The following PTPRT variants were observed in gnomAD, a reference collection of about 807,000 sequenced individuals.
PTPRT encodes the protein receptor-type tyrosine-protein phosphatase T.
A neutral mutation model predicts 176.8 loss-of-function variants in PTPRT; 56 were observed. That is an observed-to-expected ratio of 0.32 (90% CI 0.26 to 0.40). The LOEUF (loss-of-function observed/expected upper bound fraction) is 0.40. Among genes scored for constraint, PTPRT ranks in the 10% least tolerant of loss-of-function variants. The pLI is 1.00. For missense variants in PTPRT, 1,540 were observed against 1,908.2 expected, an observed-to-expected ratio of 0.81 and a Z score of 3.60; for synonymous variants, 783 against 739.0, an observed-to-expected ratio of 1.06 and a Z score of -0.96.
At chr20:42,130,750 G>C (rs1988086845) in intron 18 of PTPRT, among the ~76,000 whole-genome samples, 1 of 152,220 alleles carries the variant, frequency 6.6e-6, no homozygotes, top group Non-Finnish European at 1.5e-5. Context: ...TCAGGGGGAA[G>C]TTTCAGCAGA....
intron 1 of PTPRT, among the ~76,000 whole-genome samples, chr20:43,094,309 A>G (rs183760218): frequency 2.4e-3 from 350 of 146,848 alleles, no homozygotes; most frequent in African/African-American, 8.7e-3. Flanking sequence ...GATGGTCTCC[A>G]TCTCTTGACC....
intron 1 of PTPRT, among the ~76,000 whole-genome samples, chr20:42,952,202 C>T (rs1001413029): frequency 1.2e-4 from 18 of 152,184 alleles, no homozygotes; most frequent in Admixed American, 3.3e-4. Context: ...TGAGTCCACA[C>T]GTCATGCCAC....
At chr20:42,986,121 T>G (rs1428370703) in intron 1 of PTPRT, among the ~76,000 whole-genome samples, 2 of 152,236 alleles carry the variant, frequency 1.3e-5, no homozygotes, top group Admixed American at 1.3e-4. Flanking sequence ...TAATATGATA[T>G]TCAACTAATC....
chr20:42,063,787 G>A, the PTPRT span: 1 of 152,098 alleles, frequency 6.6e-6, no homozygotes, highest in Non-Finnish European at 1.5e-5. Flanking sequence ...TTCTCTTGGG[G>A]AAGTGGCTGG....
rs527451722 is a variant in PTPRT, at chr20:42,108,043, G to C, written c.3255-1122C>G. On this transcript the variant is annotated intron_variant, in intron 23 of 30. Transcript: ENST00000373187. ...CCTCTGTGTCTGGGAGGGAGTATAG[G>C]GGGGGTCACTCGTGTTTTTTTCTTC... 4.6e-5 allele frequency among the ~76,000 whole-genome samples: 7 copies of C among 152,262 alleles called. No homozygotes were observed. The South Asian group carries it at 8.3e-4, about 18-fold the overall frequency.
intron 7 of PTPRT, among the ~76,000 whole-genome samples, chr20:42,525,913 A>G (rs1345615379): frequency 6.6e-6 from 1 of 152,084 alleles, no homozygotes; most frequent in East Asian, 1.9e-4. Context: ...GTGAATGGCA[A>G]TTTTGCTGGT....
At chr20:42,332,234 G>C (rs527872763) in intron 11 of PTPRT, among the ~76,000 whole-genome samples, 1 of 151,994 alleles carries the variant, frequency 6.6e-6, no homozygotes, top group Non-Finnish European at 1.5e-5. Context: ...TTTTGAGATG[G>C]AGTCTCACTC....
intron 7 of PTPRT, among the ~76,000 whole-genome samples, chr20:42,623,525 G>A (rs2074236369): frequency 6.6e-6 from 1 of 152,226 alleles, no homozygotes; most frequent in Non-Finnish European, 1.5e-5. Context: ...CTTTCTCAAG[G>A]TTAAACTCTA....
At chr20:42,874,459 C>T (rs1345539692) in intron 2 of PTPRT, among the ~76,000 whole-genome samples, 1 of 152,070 alleles carries the variant, frequency 6.6e-6, no homozygotes, top group East Asian at 1.9e-4. Flanking sequence ...AGTTTTCGGG[C>T]AACTTTAATA....
chr20:42,146,158 G>T (rs1327804258), intron 17 of PTPRT, among the ~76,000 whole-genome samples: 2 of 152,002 alleles, frequency 1.3e-5, no homozygotes, highest in Non-Finnish European at 2.9e-5. Flanking sequence ...ATCCCAGCCA[G>T]GTAACTCCAT....
intron 1 of PTPRT, among the ~76,000 whole-genome samples, chr20:42,944,043 T>TAAAC (rs567584285): frequency 2.7e-5 from 4 of 149,460 alleles, no homozygotes; most frequent in South Asian, 2.1e-4. Context: ...AATAAATAAA[T>TAAAC]AAACAAACAA....
intron 1 of PTPRT, among the ~76,000 whole-genome samples, chr20:43,172,869 C>CTTTTTTTTTTTTTTTTTTTTTTTTTTTT (rs1156414727): frequency 8.5e-6 from 1 of 117,524 alleles, no homozygotes; most frequent in African/African-American, 3.4e-5. Flanking sequence ...AGTCTGCAGT[C>CTTTTTTTTTTTTTTTTTTTTTTTTTTTT]TTTTTTTTTT....
intron 7 of PTPRT, among the ~76,000 whole-genome samples, chr20:42,487,957 A>G (rs1462924476): frequency 6.6e-6 from 1 of 152,208 alleles, no homozygotes; most frequent in South Asian, 2.1e-4. Flanking sequence ...TGTAAAATAC[A>G]TGTAATTGTT....
At chr20:42,434,153 T>C (rs1046940723) in intron 9 of PTPRT, among the ~76,000 whole-genome samples, 6 of 152,320 alleles carry the variant, frequency 3.9e-5, no homozygotes, top group African/African-American at 1.4e-4. Context: ...CACATGAAGA[T>C]GGCTAGTGTG....
chr20:43,180,748 C>T (rs1005774450), intron 1 of PTPRT, among the ~76,000 whole-genome samples: 3 of 152,080 alleles, frequency 2.0e-5, no homozygotes, highest in African/African-American at 7.2e-5. Context: ...CAAGCGTGAG[C>T]CACCACCCCC....
intron 1 of PTPRT, among the ~76,000 whole-genome samples, chr20:43,039,867 C>T (rs756446812): frequency 6.6e-6 from 1 of 151,974 alleles, no homozygotes; most frequent in Admixed American, 6.6e-5. Context: ...ATGACAAAAC[C>T]CTATCTCTAC....
intron 23 of PTPRT, among the ~76,000 whole-genome samples, chr20:42,109,644 G>A (rs118064175): frequency 0.014 from 2,192 of 152,274 alleles, 31 homozygotes; most frequent in Non-Finnish European, 0.022. Context: ...GCAAGTGTCT[G>A]GAGAAAAGCA....
At chr20:43,072,697 C>T (rs1568768161) in intron 1 of PTPRT, among the ~76,000 whole-genome samples, 1 of 152,192 alleles carries the variant, frequency 6.6e-6, no homozygotes, top group Admixed American at 6.5e-5. Flanking sequence ...CTTCCTTTCT[C>T]CAAAGCTTCT....
intron 1 of PTPRT, among the ~76,000 whole-genome samples, chr20:43,133,377 G>T (rs542343580): frequency 6.6e-6 from 1 of 152,186 alleles, no homozygotes; most frequent in Non-Finnish European, 1.5e-5. Flanking sequence ...AGACAAAAGG[G>T]ATGAAAGAAA....
Sources: allele counts gnomAD v4.1 joint callset (sites outside exome capture counted in the v4.1 genomes callset), GRCh38; gene constraint gnomAD v4.1.1; transcripts MANE v1.5; gene names NCBI Gene and HGNC (gene_info 2026-07-23, HGNC 2026-07-21).